Variants in DST observed in about 807,000 individuals in gnomAD.
DST encodes the protein dystonin, also known as bullous pemphigoid antigen.
In DST, 253 loss-of-function variants were observed where a neutral mutation model predicts 875.2. That is an observed-to-expected ratio of 0.29 (90% confidence interval 0.26 to 0.32). DST has a LOEUF of 0.32. Among genes scored for constraint, DST ranks in the 10% least tolerant of loss-of-function variants. The pLI, the probability that DST is intolerant of heterozygous loss-of-function variation, is 1.00. For synonymous variants in DST, 3,124 were observed against 3,197.1 expected (o/e 0.98, Z 0.77); for missense variants, 8,287 against 9,111.6 (o/e 0.91, Z 3.68).
chr6:56,660,183 A>G (rs926443413), intron 10 of DST, among the ~76,000 whole-genome samples: 2 of 152,304 alleles, frequency 1.3e-5, no homozygotes, highest in East Asian at 3.9e-4. Flanking sequence ...AAATCAATCT[A>G]CCCTGAAGTA....
In DST at chr6:56,506,763, T is replaced by C; in HGVS notation, c.19266A>G (p.Leu6422=). 6.2e-7 allele frequency: 1 copy of C among 1,613,072 alleles called. No homozygotes were observed. Among genetic ancestry groups the C allele is most frequent in the Non-Finnish European group, 8.5e-7 (1 of 1,179,496 alleles). ...AETIREEIDG[L]QEELDIVINL... The stretch of plus-strand genomic sequence containing the variant: ...TAATAACTATATCCAGCTCCTCCTG[T>C]AGTCCATCTATTTCTTCCCTTATGG... Residue 6422 remains leucine (L), a synonymous_variant, in exon 76 of 104, where the codon CTA becomes CTG. Transcript: ENST00000680361.
At chr6:56,910,217 A>C (rs1300201637) in intron 2 of DST, among the ~76,000 whole-genome samples, 1 of 152,158 alleles carries the variant, frequency 6.6e-6, no homozygotes, top group Non-Finnish European at 1.5e-5. Flanking sequence ...CCCAGGCTAG[A>C]GAACAGTGGT....
Position 56,605,106 on chromosome 6 carries a change from A to G in DST, c.9522T>C (p.Pro3174=). 2.5e-6 allele frequency: 4 copies of G among 1,612,756 alleles called. No individual in the cohort carries two copies. The highest frequency in any genetic ancestry group is 3.4e-6 in the Non-Finnish European group (4 of 1,179,320). Residue 3174 remains proline (P), a synonymous_variant, in exon 40 of 104, where the codon CCT becomes CCC. Transcript: ENST00000680361. ...AAGTAAACAGATCAAGCTCTTTCTC[A>G]GGTCCATCAGTGAATGACTCCTCAA... ...THFEESFTDG[P]EKELDLFTYL... is the part of the protein sequence containing the mutation.
intron 102 of DST, 50 bp from the exon 103 acceptor site, chr6:56,460,304 G>A: frequency 6.2e-7 from 1 of 1,602,616 alleles, no homozygotes; most frequent in Non-Finnish European, 8.5e-7. Flanking sequence ...CCTGTACCAT[G>A]ATATTCCACT....
chr6:56,620,652 C>T (rs779286095), intron 36 of DST: 4 of 1,614,136 alleles, frequency 2.5e-6, no homozygotes, highest in Non-Finnish European at 2.5e-6. Flanking sequence ...AGCACTGTTG[C>T]CTTCTGACGC....
chr6:56,535,335 A>G, intron 62 of DST, 43 bp from the exon 63 acceptor site: 1 of 1,533,626 alleles, frequency 6.5e-7, no homozygotes. Context: ...TTGTTTCACA[A>G]AATAATGCAA....
intron 90 of DST, among the ~76,000 whole-genome samples, chr6:56,479,306 G>A (rs561401060): frequency 4.6e-5 from 7 of 152,228 alleles, no homozygotes; most frequent in Admixed American, 1.3e-4. Flanking sequence ...AGAAAAGGGC[G>A]TGCTTATACA....
At chr6:56,767,631 AAAT>A (rs1166485221) in intron 4 of DST, among the ~76,000 whole-genome samples, 10 of 150,246 alleles carry the variant, frequency 6.7e-5, no homozygotes, top group Admixed American at 6.6e-4. Context: ...ATAAATAAAT[AAAT>A]AAATAAATAA....
At chr6:56,554,347 G>A (rs2152557942) in intron 60 of DST, among the ~76,000 whole-genome samples, 1 of 152,220 alleles carries the variant, frequency 6.6e-6, no homozygotes, top group Middle Eastern at 3.4e-3. Context: ...GCCTCCCAAA[G>A]TGCTGGGATT....
chr6:56,936,120 G>T (rs1263190087), intron 2 of DST, among the ~76,000 whole-genome samples: 1 of 152,134 alleles, frequency 6.6e-6, no homozygotes, highest in Non-Finnish European at 1.5e-5. Flanking sequence ...CTTACCAACT[G>T]TCAAAATCCT....
chr6:56,662,544 C>G (rs1445551409), intron 10 of DST, among the ~76,000 whole-genome samples: 1 of 152,178 alleles, frequency 6.6e-6, no homozygotes, highest in Non-Finnish European at 1.5e-5. Context: ...AAGAGGACAA[C>G]CAGATGAGCT....
Position 56,559,217 on chromosome 6 carries a change from A to G in DST, c.14440+1077T>C, listed in dbSNP as rs183153715. 4.8e-3 allele frequency among the ~76,000 whole-genome samples: 730 copies of G among 152,218 alleles called. 2 individuals are homozygous for G. The highest frequency in any genetic ancestry group is 0.017 in the African/African-American group (699 of 41,554). On this transcript the variant is annotated intron_variant, in intron 58 of 103. Coordinates refer to ENST00000680361, the MANE Select transcript of DST (RefSeq NM_001374736.1). ...CAATAAATCAGGAAGGAAAAATAGA[A>G]AAACTCATCCAGAAGGTTTTTTGAA...
At position 56,823,285 on chromosome 6, in the gene DST, CTA is replaced by C. The variant is rs1279028612; in HGVS notation, c.625+28110_625+28111del. 3.3e-5 allele frequency among the ~76,000 whole-genome samples: 5 copies of C among 152,298 alleles called. 1 individual carries two copies. In the South Asian group the frequency reaches 6.2e-4, roughly 19 times the overall value. On this transcript the variant is annotated intron_variant, in intron 4 of 103. Coordinates refer to ENST00000680361, the MANE Select transcript of DST (RefSeq NM_001374736.1). ...TATTTTTGTTCCACATGTTCCAGCA[CTA>C]TGTTACTTTTATCTAAATTGCATCT...
intron 29 of DST, 39 bp downstream of exon 29, chr6:56,631,842 AAG>A: frequency 6.3e-7 from 1 of 1,591,148 alleles, no homozygotes; most frequent in Non-Finnish European, 8.6e-7. Context: ...TAAGGTCATT[AAG>A]AGAGTTAGTT....
At chr6:56,468,957 G>A (rs1055918857) in intron 98 of DST, 25 bp downstream of exon 98, 8 of 1,560,472 alleles carry the variant, frequency 5.1e-6, no homozygotes, top group Non-Finnish European at 7.0e-6. Context: ...TCAGGAACTT[G>A]AGAATACATT....
intron 10 of DST, among the ~76,000 whole-genome samples, chr6:56,661,792 T>C (rs546324695): frequency 1.2e-4 from 19 of 152,182 alleles, no homozygotes; most frequent in Non-Finnish European, 2.6e-4. Context: ...TTCTCCATGT[T>C]GGCCAGGATG....
At chr6:56,592,126 AT>A (rs1285983165) in intron 49 of DST, 55 bp downstream of exon 49, 12 of 1,502,900 alleles carry the variant, frequency 8.0e-6, no homozygotes, top group Non-Finnish European at 1.0e-5. Context: ...AGTGTGAGAA[AT>A]TGGAAGCCTT....
intron 1 of DST, 63 bp from the exon 2 acceptor site, chr6:56,953,882 T>A: frequency 8.3e-7 from 1 of 1,210,884 alleles, no homozygotes; most frequent in Non-Finnish European, 1.1e-6. Flanking sequence ...ACCGAGTGAC[T>A]CATGACTTAC....
intron 7 of DST, 31 bp from the exon 8 acceptor site, chr6:56,701,996 G>C (rs374428903): frequency 4.4e-6 from 6 of 1,377,998 alleles, no homozygotes; most frequent in African/African-American, 2.9e-5. Context: ...GTATGAAAAA[G>C]AGTTTCTGTT....
Sources: allele counts gnomAD v4.1 joint callset (sites outside exome capture counted in the v4.1 genomes callset), GRCh38; gene constraint gnomAD v4.1.1; transcripts MANE v1.5; gene names NCBI Gene and HGNC (gene_info 2026-07-23, HGNC 2026-07-21).